The following HUNK variants were observed in gnomAD, a reference collection of about 807,000 sequenced individuals.
HUNK encodes hormonally up-regulated Neu-associated kinase, also known as hormonally up-regulated neu tumor-associated kinase.
Under a neutral mutation model 61.0 loss-of-function variants are expected in HUNK, and 21 were observed. That is an observed-to-expected ratio of 0.34 (90% CI 0.24 to 0.50). HUNK has a LOEUF of 0.50. HUNK is among the 20% of genes least tolerant of loss of function. The pLI is 0.98. For missense variants in HUNK, 772 were observed against 945.7 expected (o/e 0.82, Z 2.41); for synonymous variants, 371 against 386.1 (o/e 0.96, Z 0.46).
chr21:31,883,692 GT>G (rs1171675387), intron 1 of HUNK, among the ~76,000 whole-genome samples: 1 of 152,084 alleles, frequency 6.6e-6, no homozygotes, highest in African/African-American at 2.4e-5. Flanking sequence ...CCTATCAATT[GT>G]GTGCATGTAA....
intron 1 of HUNK, among the ~76,000 whole-genome samples, chr21:31,922,024 CT>C (rs201350356): frequency 1.3e-5 from 2 of 151,328 alleles, no homozygotes; most frequent in South Asian, 2.1e-4. Flanking sequence ...AATTTTCTTT[CT>C]TTTTTTTTGA....
intron 4 of HUNK, among the ~76,000 whole-genome samples, chr21:31,950,506 A>G (rs953111309): frequency 2.0e-5 from 3 of 152,150 alleles, no homozygotes; most frequent in African/African-American, 4.8e-5. Context: ...AGCATATGCA[A>G]AAGGCTGGTA....
chr21:31,956,589 GTCTCTCC>G (rs1250179733), intron 4 of HUNK, among the ~76,000 whole-genome samples: 1 of 152,110 alleles, frequency 6.6e-6, no homozygotes, highest in Non-Finnish European at 1.5e-5. Flanking sequence ...CCCCTAACCT[GTCTCTCC>G]TCCTCAGCCT....
intron 7 of HUNK, 78 bp downstream of exon 7, chr21:31,974,795 G>T: frequency 7.4e-7 from 1 of 1,344,228 alleles, no homozygotes; most frequent in Non-Finnish European, 1.0e-6. Context: ...CTTCTCAGTT[G>T]CTGACACTTG....
chr21:31,900,480 A>ACACACACACACACACACACAC (rs761702699), intron 1 of HUNK, among the ~76,000 whole-genome samples: 4 of 58,086 alleles, frequency 6.9e-5, no homozygotes, highest in African/African-American at 3.4e-4. Context: ...CACACACACA[A>ACACACACACACACACACACAC]ACTCTACTGT....
At chr21:31,961,223 T>A (rs2052925754) in intron 5 of HUNK, among the ~76,000 whole-genome samples, 1 of 149,274 alleles carries the variant, frequency 6.7e-6, no homozygotes, top group Non-Finnish European at 1.5e-5. Context: ...CTTGAGATAA[T>A]CTGAGCTGTT....
At chr21:31,905,550 C>G (rs2052499299) in intron 1 of HUNK, among the ~76,000 whole-genome samples, 1 of 152,244 alleles carries the variant, frequency 6.6e-6, no homozygotes, top group South Asian at 2.1e-4. Flanking sequence ...CCTGCGCCCA[C>G]CTCCCACTGA....
rs571010152 is a variant in HUNK at position 31,981,333 on chromosome 21, A to G, written c.1174-2193A>G. On this transcript the variant is annotated intron_variant, in intron 7 of 10. Coordinates refer to ENST00000270112, the MANE Select transcript of HUNK (RefSeq NM_014586.2). ...TTTATTGTTCAAAATGACTTTGGCT[A>G]TTCAGGGTCTTTTGTGGTTCCATAC... is the stretch of plus-strand genomic sequence containing the variant. Among the ~76,000 whole-genome samples the G allele has an allele frequency of 4.1e-5, 6 of 147,864 alleles. No homozygotes were observed. The East Asian group carries it at 1.2e-3, about 29-fold the overall frequency.
At chr21:31,995,430 G>T (rs2053197862) in intron 9 of HUNK, among the ~76,000 whole-genome samples, 1 of 152,216 alleles carries the variant, frequency 6.6e-6, no homozygotes, top group Non-Finnish European at 1.5e-5. Context: ...TAGACAGTGG[G>T]TTTCCAGAAG....
Position 31,884,153 on chromosome 21 carries a change from C to A in HUNK, c.261+10218C>A, listed in dbSNP as rs953119162. On this transcript the variant is annotated intron_variant, in intron 1 of 10. Transcript: ENST00000270112. ...GTTGCTATGATCAGAATGTTTGTGT[C>A]CCCCAAAATTCTTTTGTTGAAATTC... 2.6e-5 allele frequency among the ~76,000 whole-genome samples: 4 copies of A among 152,016 alleles called. No individual in the cohort carries two copies. The South Asian group carries it at 8.3e-4, about 32-fold the overall frequency.
chr21:31,934,685 G>C (rs1195107484), intron 2 of HUNK, among the ~76,000 whole-genome samples: 2 of 152,038 alleles, frequency 1.3e-5, no homozygotes, highest in African/African-American at 4.8e-5. Flanking sequence ...GTAGTTCTCA[G>C]TATCTGTTGT....
chr21:31,875,695 A>G (rs2052256634), intron 1 of HUNK, among the ~76,000 whole-genome samples: 1 of 152,128 alleles, frequency 6.6e-6, no homozygotes, highest in South Asian at 2.1e-4. Context: ...GGCACTGGCG[A>G]TGGAAGTTTA....
intron 5 of HUNK, among the ~76,000 whole-genome samples, chr21:31,967,271 A>T (rs2052973889): frequency 6.6e-6 from 1 of 152,124 alleles, no homozygotes; most frequent in South Asian, 2.1e-4. Flanking sequence ...AGGTCACCTG[A>T]GCCAGAGAGA....
intron 5 of HUNK, among the ~76,000 whole-genome samples, chr21:31,966,191 T>C (rs1265968155): frequency 6.6e-6 from 1 of 152,212 alleles, no homozygotes; most frequent in Admixed American, 6.5e-5. Flanking sequence ...TTACTTCACT[T>C]AGAATAATGG....
At chr21:31,929,376 G>T (rs2052682021) in intron 2 of HUNK, among the ~76,000 whole-genome samples, 1 of 152,012 alleles carries the variant, frequency 6.6e-6, no homozygotes, top group Non-Finnish European at 1.5e-5. Flanking sequence ...TTTTACAAAG[G>T]TAGAGTGTGT....
intron 1 of HUNK, among the ~76,000 whole-genome samples, chr21:31,917,556 T>C (rs1409782977): frequency 6.6e-6 from 1 of 152,148 alleles, no homozygotes; most frequent in Admixed American, 6.6e-5. Context: ...CTGATTCCTT[T>C]GTAAAATTTT....
intron 1 of HUNK, among the ~76,000 whole-genome samples, chr21:31,892,243 C>T (rs1017381928): frequency 8.5e-6 from 1 of 118,124 alleles, no homozygotes; most frequent in Non-Finnish European, 1.7e-5. Flanking sequence ...CAGCACGTAG[C>T]CTGAAAATAC....
intron 1 of HUNK, among the ~76,000 whole-genome samples, chr21:31,886,844 C>G (rs1312575275): frequency 6.6e-6 from 1 of 152,070 alleles, no homozygotes; most frequent in African/African-American, 2.4e-5. Flanking sequence ...CGGAGTCAGG[C>G]TGGTCAGGCT....
At chr21:31,878,508 G>A (rs777404105) in intron 1 of HUNK, among the ~76,000 whole-genome samples, 18 of 152,006 alleles carry the variant, frequency 1.2e-4, no homozygotes, top group Non-Finnish European at 2.1e-4. Flanking sequence ...GCCGAAGTGG[G>A]TGGATCATTT....
Sources: gnomAD v4.1 joint callset for allele counts (sites outside exome capture counted in the v4.1 genomes callset) on GRCh38, gnomAD v4.1.1 for gene constraint, MANE v1.5 for transcripts, NCBI Gene and HGNC (gene_info 2026-07-23, HGNC 2026-07-21) for gene names.